KAZN: variants seen among roughly 807,000 people sequenced by gnomAD.
The protein encoded by KAZN is kazrin.
In KAZN, 40 loss-of-function variants were observed where a neutral mutation model predicts 87.4. The ratio of observed to expected loss-of-function variants is 0.46; its 90% CI spans 0.36 to 0.60. The LOEUF is 0.60. Among genes scored for constraint, KAZN ranks in the 20% least tolerant of loss-of-function variants. The pLI, the probability that KAZN is intolerant of heterozygous loss-of-function variation, is 0.00. For synonymous variants in KAZN, 466 were observed against 458.3 expected (o/e 1.02, Z -0.22); for missense variants, 898 against 1,073.9 (o/e 0.84, Z 2.29).
intron 2 of KAZN, among the ~76,000 whole-genome samples, chr1:14,340,110 A>G (rs536752335): frequency 7.1e-6 from 1 of 141,440 alleles, no homozygotes; most frequent in East Asian, 2.1e-4. Context: ...CGGGGAACAG[A>G]GTGAAGGGTC....
intron 2 of KAZN, among the ~76,000 whole-genome samples, chr1:15,026,350 G>A (rs1392025742): frequency 1.3e-5 from 2 of 152,182 alleles, no homozygotes; most frequent in Non-Finnish European, 2.9e-5. Context: ...TTAACAGCTG[G>A]GGATAGGGAA....
intron 2 of KAZN, among the ~76,000 whole-genome samples, chr1:14,380,193 C>T (rs971747922): frequency 6.6e-6 from 1 of 152,166 alleles, no homozygotes; most frequent in Non-Finnish European, 1.5e-5. Context: ...GCAGATATGA[C>T]TTAGACCACA....
chr1:14,650,887 G>C (rs1638315496), intron 1 of KAZN, among the ~76,000 whole-genome samples: 1 of 152,138 alleles, frequency 6.6e-6, no homozygotes, highest in African/African-American at 2.4e-5. Flanking sequence ...GAAGCAAGTG[G>C]TTTAGGAAAT....
chr1:14,222,519 G>T (rs1031332324), intron 2 of KAZN, among the ~76,000 whole-genome samples: 6 of 152,160 alleles, frequency 3.9e-5, no homozygotes, highest in African/African-American at 1.4e-4. Context: ...GTAATTTATG[G>T]TGCAAGCCTA....
chr1:14,552,719 T>G (rs950599943), intron 2 of KAZN, among the ~76,000 whole-genome samples: 3 of 152,178 alleles, frequency 2.0e-5, no homozygotes, highest in African/African-American at 7.2e-5. Context: ...AAGAGCACAA[T>G]AGTAATCATA....
chr1:14,452,288 A>G (rs1667319792), intron 2 of KAZN, among the ~76,000 whole-genome samples: 1 of 152,204 alleles, frequency 6.6e-6, no homozygotes. Flanking sequence ...TGACCTGGCC[A>G]GGCAACCTTG....
chr1:15,065,115 T>TCCG (rs149228787), intron 7 of KAZN, among the ~76,000 whole-genome samples: 13,796 of 129,500 alleles, frequency 0.11, 1,722 homozygotes, highest in African/African-American at 0.33. Flanking sequence ...CACCACAACC[T>TCCG]CCTCCTGGGT....
intron 1 of KAZN, among the ~76,000 whole-genome samples, chr1:14,736,262 TG>T (rs1643897484): frequency 1.1e-5 from 1 of 94,138 alleles, no homozygotes; most frequent in Non-Finnish European, 2.2e-5. Context: ...AGGGTGTGTG[TG>T]TGTGTGTGTG....
At chr1:14,823,427 G>T (rs1646793928) in intron 1 of KAZN, among the ~76,000 whole-genome samples, 1 of 152,084 alleles carries the variant, frequency 6.6e-6, no homozygotes, top group South Asian at 2.1e-4. Context: ...GAAGAGAGTA[G>T]ATACAGAGGT....
intron 1 of KAZN, among the ~76,000 whole-genome samples, chr1:14,003,884 A>G (rs1639923480): frequency 6.6e-6 from 1 of 152,214 alleles, no homozygotes; most frequent in African/African-American, 2.4e-5. Context: ...ATAGGACTAC[A>G]TTAAAATTGA....
intron 1 of KAZN, among the ~76,000 whole-genome samples, chr1:14,639,428 G>A (rs915994351): frequency 3.3e-5 from 5 of 152,202 alleles, no homozygotes; most frequent in African/African-American, 9.6e-5. Context: ...AACACTTTGA[G>A]TGGTCAAATG....
intron 1 of KAZN, among the ~76,000 whole-genome samples, chr1:14,691,297 A>G (rs1641292288): frequency 6.6e-6 from 1 of 152,212 alleles, no homozygotes. Context: ...TGAACCCAGT[A>G]AGATACAAGC....
intron 1 of KAZN, among the ~76,000 whole-genome samples, chr1:13,994,880 AAAC>A (rs1639436863): frequency 6.6e-6 from 1 of 151,924 alleles, no homozygotes; most frequent in East Asian, 1.9e-4. Context: ...CTAAACAAAC[AAAC>A]AAACAAACAA....
intron 2 of KAZN, among the ~76,000 whole-genome samples, chr1:14,519,359 A>G (rs1182528177): frequency 6.6e-6 from 1 of 152,130 alleles, no homozygotes; most frequent in Admixed American, 6.5e-5. Flanking sequence ...CAGAAACAGG[A>G]AGAAGTTGCA....
chr1:13,911,894 T>A (rs761010963), intron 1 of KAZN, among the ~76,000 whole-genome samples: 6 of 152,048 alleles, frequency 3.9e-5, no homozygotes, highest in Non-Finnish European at 5.9e-5. Flanking sequence ...TTCTAAGAAG[T>A]GAAGGATGTG....
At chr1:15,055,408 C>T (rs1674845867) in intron 4 of KAZN, among the ~76,000 whole-genome samples, 1 of 152,024 alleles carries the variant, frequency 6.6e-6, no homozygotes. Context: ...ACCCGGGAGG[C>T]GGAGGTTGCA....
chr1:14,875,775 G>A (rs781389330), intron 1 of KAZN, among the ~76,000 whole-genome samples: 2 of 152,202 alleles, frequency 1.3e-5, no homozygotes, highest in Non-Finnish European at 2.9e-5. Flanking sequence ...ACAGTTGATT[G>A]TTAAACACTT....
intron 1 of KAZN, among the ~76,000 whole-genome samples, chr1:14,775,291 T>G (rs1322333770): frequency 2.0e-5 from 3 of 152,226 alleles, no homozygotes; most frequent in African/African-American, 7.2e-5. Context: ...AGCACAGAAG[T>G]GGCTTTAATA....
At chr1:14,916,014 G>A (rs1023979856) in intron 1 of KAZN, among the ~76,000 whole-genome samples, 7 of 152,128 alleles carry the variant, frequency 4.6e-5, no homozygotes, top group Non-Finnish European at 1.0e-4. Context: ...TTCCTCATCT[G>A]TAAAGTGGGG....
Sources: gnomAD v4.1 joint callset for allele counts (sites outside exome capture counted in the v4.1 genomes callset) on GRCh38, gnomAD v4.1.1 for gene constraint, MANE v1.5 for transcripts, NCBI Gene and HGNC (gene_info 2026-07-23, HGNC 2026-07-21) for gene names.